B3GALT1: variants seen among roughly 807,000 people sequenced by gnomAD.
B3GALT1 encodes beta-1,3-galactosyltransferase 1.
Under a neutral mutation model 23.2 loss-of-function variants are expected in B3GALT1, and 10 were observed. That is an observed-to-expected ratio of 0.43 (90% CI 0.27 to 0.73). The LOEUF (loss-of-function observed/expected upper bound fraction) is 0.73. B3GALT1 is among the 30% of genes least tolerant of loss of function. The pLI is 0.21. For synonymous variants in B3GALT1, 156 were observed against 141.5 expected, an observed-to-expected ratio of 1.10 and a Z score of -0.73; for missense variants, 299 against 405.4, an observed-to-expected ratio of 0.74 and a Z score of 2.25.
chr2:167,393,745 A>G (rs1173710799), intron 1 of B3GALT1, among the ~76,000 whole-genome samples: 2 of 152,116 alleles, frequency 1.3e-5, no homozygotes, highest in South Asian at 2.1e-4. Flanking sequence ...GCAGGCTTTT[A>G]TATGTCACCT....
intron 1 of B3GALT1, among the ~76,000 whole-genome samples, chr2:167,470,491 A>G (rs1009021417): frequency 6.6e-6 from 1 of 152,192 alleles, no homozygotes; most frequent in Non-Finnish European, 1.5e-5. Flanking sequence ...TGGATTTTAA[A>G]TAATAGTGTA....
chr2:167,465,310 A>G lies in B3GALT1; in HGVS notation c.-510-24867A>G, dbSNP rs191263667. 5.6e-4 allele frequency among the ~76,000 whole-genome samples: 86 copies of G among 152,322 alleles called. 1 individual carries two copies. The highest frequency in any genetic ancestry group is 2.1e-3 in the African/African-American group (86 of 41,574). On this transcript the variant is annotated intron_variant, in intron 1 of 4. Coordinates refer to ENST00000392690, the MANE Select transcript of B3GALT1 (RefSeq NM_020981.4). ...AACATTGCATAAAGTGTTCATAAAA[A>G]CATCAAACATATTGTCTCAGTCTGT...
chr2:167,455,563 GAGTGC>G (rs1459523794), intron 1 of B3GALT1, among the ~76,000 whole-genome samples: 4 of 152,018 alleles, frequency 2.6e-5, no homozygotes, highest in Non-Finnish European at 4.4e-5. Context: ...ACCCAGACTG[GAGTGC>G]AGTGGTGCGA....
rs146868036 is a variant in B3GALT1, at chr2:167,403,888, G to A, written c.-510-86289G>A. 1.6e-3 allele frequency among the ~76,000 whole-genome samples: 245 copies of A among 152,248 alleles called. 6 individuals carry two copies. The highest frequency in any genetic ancestry group is 0.013 in the Admixed American group (200 of 15,278). On this transcript the variant is annotated intron_variant, in intron 1 of 4. Coordinates refer to ENST00000392690, the MANE Select transcript of B3GALT1 (RefSeq NM_020981.4). ...GATCTTGAAAAGGGACTAGGGTTAG[G>A]TTTTGTTTGTTTGGCTCCCAAGAAG...
intron 3 of B3GALT1, among the ~76,000 whole-genome samples, chr2:167,682,345 A>G (rs1686545835): frequency 6.6e-6 from 1 of 152,196 alleles, no homozygotes; most frequent in East Asian, 1.9e-4. Flanking sequence ...CAAATTCCAA[A>G]TATTATTTGA....
chr2:167,809,737 C>G (rs1688837849), intron 3 of B3GALT1, among the ~76,000 whole-genome samples: 3 of 152,184 alleles, frequency 2.0e-5, no homozygotes, highest in Admixed American at 2.0e-4. Context: ...GGTCAGGGAC[C>G]CACTTGAGGA....
chr2:167,377,712 G>A (rs73019800), intron 1 of B3GALT1, among the ~76,000 whole-genome samples: 2,572 of 152,180 alleles, frequency 0.017, 75 homozygotes, highest in African/African-American at 0.059. Flanking sequence ...ACCTATGGGT[G>A]TCGTTATATG....
chr2:167,675,409 T>C (rs1323410148), intron 3 of B3GALT1, among the ~76,000 whole-genome samples: 2 of 152,110 alleles, frequency 1.3e-5, no homozygotes, highest in African/African-American at 4.8e-5. Flanking sequence ...TTCAAAGAAA[T>C]AAATAGAGTG....
intron 3 of B3GALT1, among the ~76,000 whole-genome samples, chr2:167,746,592 A>C (rs374418717): frequency 4.6e-5 from 7 of 152,368 alleles, no homozygotes; most frequent in African/African-American, 1.4e-4. Flanking sequence ...GAAATATGTG[A>C]CAATGGAGCC....
At chr2:167,429,008 G>A (rs942914221) in intron 1 of B3GALT1, among the ~76,000 whole-genome samples, 1 of 151,992 alleles carries the variant, frequency 6.6e-6, no homozygotes, top group East Asian at 1.9e-4. Context: ...GGCTGGGCAC[G>A]GTGGCTCACG....
At chr2:167,766,464 C>T (rs755191678) in intron 3 of B3GALT1, among the ~76,000 whole-genome samples, 39 of 152,170 alleles carry the variant, frequency 2.6e-4, no homozygotes, top group Non-Finnish European at 5.3e-4. Context: ...AGCTCCGTGA[C>T]GTTCAAGACA....
At chr2:167,425,825 G>A (rs1037127652) in intron 1 of B3GALT1, among the ~76,000 whole-genome samples, 3 of 152,142 alleles carry the variant, frequency 2.0e-5, no homozygotes, top group African/African-American at 7.2e-5. Flanking sequence ...ATGCATGTGC[G>A]AAACCAGAAG....
chr2:167,650,998 T>G (rs939342525), intron 3 of B3GALT1, among the ~76,000 whole-genome samples: 3 of 152,094 alleles, frequency 2.0e-5, no homozygotes, highest in Non-Finnish European at 4.4e-5. Context: ...TAAAACAAAA[T>G]TCTTAAGGAA....
At chr2:167,303,644 TACAC>T (rs61323885) in intron 1 of B3GALT1, among the ~76,000 whole-genome samples, 2,066 of 144,858 alleles carry the variant, frequency 0.014, 37 homozygotes, top group East Asian at 0.081. Context: ...AACACACACA[TACAC>T]ACACACACAC....
intron 2 of B3GALT1, among the ~76,000 whole-genome samples, chr2:167,638,108 T>C (rs1685590248): frequency 6.6e-6 from 1 of 152,066 alleles, no homozygotes; most frequent in South Asian, 2.1e-4. Context: ...TATTTGAAAA[T>C]TCTAGCCCTG....
chr2:167,566,178 A>G (rs1406376896), intron 2 of B3GALT1, among the ~76,000 whole-genome samples: 1 of 152,246 alleles, frequency 6.6e-6, no homozygotes, highest in African/African-American at 2.4e-5. Context: ...GCCATAAAAA[A>G]TGATGAGTTC....
intron 1 of B3GALT1, among the ~76,000 whole-genome samples, chr2:167,404,157 T>C (rs1258296955): frequency 2.0e-5 from 3 of 151,988 alleles, no homozygotes; most frequent in East Asian, 1.9e-4. Context: ...AGAGATCACA[T>C]GGCAAGAAAG....
intron 1 of B3GALT1, among the ~76,000 whole-genome samples, chr2:167,295,601 A>G (rs770643224): frequency 2.6e-5 from 4 of 152,270 alleles, no homozygotes; most frequent in Non-Finnish European, 5.9e-5. Context: ...AGCCAGTACT[A>G]AAAATGGAAC....
At chr2:167,476,421 C>G (rs1469608455) in intron 1 of B3GALT1, among the ~76,000 whole-genome samples, 1 of 152,102 alleles carries the variant, frequency 6.6e-6, no homozygotes, top group African/African-American at 2.4e-5. Flanking sequence ...CACTGGGTTG[C>G]AGCCTCAAGT....
Sources: gnomAD v4.1 joint callset for allele counts (sites outside exome capture counted in the v4.1 genomes callset) on GRCh38, gnomAD v4.1.1 for gene constraint, MANE v1.5 for transcripts, NCBI Gene and HGNC (gene_info 2026-07-23, HGNC 2026-07-21) for gene names.